ADORA3: variants seen among roughly 807,000 people sequenced by gnomAD.
ADORA3 encodes the protein adenosine A3 receptor, also known as adenosine receptor A3.
A neutral mutation model predicts 5.7 loss-of-function variants in ADORA3; 3 were observed. The observed-to-expected ratio is 0.52, with a 90% CI of 0.24 to 1.35. The LOEUF is 1.35. ADORA3 is among the 40% of genes most tolerant of loss of function. The pLI, the probability that ADORA3 is intolerant of heterozygous loss-of-function variation, is 0.17. For missense variants in ADORA3, 343 were observed against 389.0 expected, an observed-to-expected ratio of 0.88 and a Z score of 0.99; for synonymous variants, 168 against 152.3, an observed-to-expected ratio of 1.10 and a Z score of -0.76.
chr1:111,499,865 C>T lies in ADORA3; in HGVS notation c.*85G>A. ...TGGAAGTAATCAAGGATGTAAAAATCCCTTGGCCCAGGCATACAGGCCCTC... is the reference window on the plus strand; with the variant it reads ...TGGAAGTAATCAAGGATGTAAAAATTCCTTGGCCCAGGCATACAGGCCCTC... On this transcript the variant is annotated 3_prime_UTR_variant, in exon 2 of 2. Coordinates refer to ENST00000241356, the MANE Select transcript of ADORA3 (RefSeq NM_000677.4). 1 of 1,549,018 alleles carries T rather than the reference C, an allele frequency of 6.5e-7. No homozygotes were observed. Among genetic ancestry groups the T allele is most frequent in the Non-Finnish European group, 8.7e-7 (1 of 1,150,722 alleles).
intron 1 of ADORA3, among the ~76,000 whole-genome samples, chr1:111,502,221 T>C (rs141759089): frequency 0.05 from 1,306 of 26,346 alleles, 126 homozygotes; most frequent in Middle Eastern, 0.091. Flanking sequence ...GATATATATT[T>C]ATTATAATGA....
Position 111,503,313 on chromosome 1 carries a change from G to A in ADORA3, c.42C>T (p.Thr14=). The change falls in exon 1 of 2, where the codon ACC becomes ACT. Residue 14 remains threonine (T), a synonymous_variant. Transcript: ENST00000241356. ...NSTALSLANV[T]YITMEIFIGL... ...CAATGAAAATTTCCATGGTGATGTAGGTAACATTGGCCAATGACAGAGCAG... is the reference window on the plus strand; with the variant it reads ...CAATGAAAATTTCCATGGTGATGTAAGTAACATTGGCCAATGACAGAGCAG... 1 of 1,614,028 alleles carries A rather than the reference G, an allele frequency of 6.2e-7. No individual in the cohort carries two copies. Among genetic ancestry groups the A allele is most frequent in the Non-Finnish European group, 8.5e-7 (1 of 1,179,982 alleles).
intron 1 of ADORA3, among the ~76,000 whole-genome samples, chr1:111,502,192 TATTATAATAAATATATA>T (rs1655241303): frequency 4.5e-5 from 1 of 22,112 alleles, no homozygotes; most frequent in Non-Finnish European, 1.0e-4. Context: ...AGGATATATA[TATTATAATAAATATATA>T]GGATATATAT....
rs1235702151 is a variant in ADORA3, at chr1:111,499,472, T to C, written c.*478A>G. ...TTACTCAAAAACATCCACAGGTGAATTCAGCAGTTTAAGTCCCCCTTAAAC... is the reference window on the plus strand; with the variant it reads ...TTACTCAAAAACATCCACAGGTGAACTCAGCAGTTTAAGTCCCCCTTAAAC... On this transcript the variant is annotated 3_prime_UTR_variant, in exon 2 of 2. Coordinates refer to ENST00000241356, the MANE Select transcript of ADORA3 (RefSeq NM_000677.4). 10 of 993,288 alleles carry C rather than the reference T, an allele frequency of 1.0e-5. No homozygotes were observed. In the African/African-American group the frequency reaches 1.7e-4, roughly 17 times the overall value. The allele number at this position is 993,288 out of a possible 1,614,324, so 61.5% of individuals were successfully genotyped here.
rs993068836 is a variant in ADORA3, at chr1:111,503,557, G to A, written c.-203C>T. On this transcript the variant is annotated 5_prime_UTR_variant, in exon 1 of 2. Coordinates refer to ENST00000241356, the MANE Select transcript of ADORA3 (RefSeq NM_000677.4). ...TCTCCTTAGAAAGGGCTCATCACAG[G>A]TGGGTCACTTCCAGCCCCTTTATGC... 1.3e-5 allele frequency: 18 copies of A among 1,401,138 alleles called. No homozygotes were observed. Among genetic ancestry groups the A allele is most frequent in the Admixed American group, 1.2e-4 (4 of 33,848 alleles). 86.8% of individuals were successfully genotyped at this position (1,401,138 alleles called of 1,614,324 possible).
Position 111,503,350 on chromosome 1 carries a change from G to A in ADORA3, c.5C>T (p.Pro2Leu), listed in dbSNP as rs754984436. Residue 2 changes from proline (P) to leucine (L), a missense_variant, in exon 1 of 2, where the codon CCC becomes CTC. Coordinates refer to ENST00000241356, the MANE Select transcript of ADORA3 (RefSeq NM_000677.4). M[P>L]NNSTALSLAN... is the part of the protein sequence containing the mutation. Reference sequence around the variant, plus strand: ...CAATGACAGAGCAGTGCTGTTGTTGGGCATCTTGCCTTCCCAGGGGAACCT... The same window carrying A: ...CAATGACAGAGCAGTGCTGTTGTTGAGCATCTTGCCTTCCCAGGGGAACCT... 6.2e-7 allele frequency: 1 copy of A among 1,607,342 alleles called. No individual in the cohort carries two copies. The highest frequency in any genetic ancestry group is 8.5e-7 in the Non-Finnish European group (1 of 1,175,382).
chr1:111,499,786 G>GT lies in ADORA3; in HGVS notation c.*163dup, dbSNP rs1655066587. The GT allele has an allele frequency of 6.9e-7, 1 of 1,455,572 alleles. No homozygotes were observed. The highest frequency in any genetic ancestry group is 1.4e-5 in the African/African-American group (1 of 70,698). 90.2% of individuals were successfully genotyped at this position (1,455,572 alleles called of 1,614,324 possible). A position where few individuals can be genotyped will look rare whatever the true frequency, so the allele number is the denominator to read the frequency against. ...GGGAAAAATGAAGTGGAGGAAGAGA[G>GT]TAGTGGAGTGGGGGAGATATAATTG... On this transcript the variant is annotated 3_prime_UTR_variant, in exon 2 of 2. Transcript: ENST00000241356.
Position 111,500,482 on chromosome 1 carries a change from C to A in ADORA3, c.425G>T (p.Gly142Val). The A allele has an allele frequency of 6.2e-7, 1 of 1,614,198 alleles. No individual in the cohort carries two copies. Residue 142 changes from glycine to valine, a missense_variant, in exon 2 of 2, where the codon GGA (glycine) becomes GTA (valine). By Grantham distance (109) the Gly-to-Val change is moderately radical. Transcript: ENST00000241356. ...GTTCCAGCCAAACATGGGGGTCAAT[C>A]CCACCAGGAATGACACCAGCCAGCA... is the stretch of plus-strand genomic sequence containing the variant. Reference protein sequence around the residue: ...GLCWLVSFLVGLTPMFGWNMK... With the variant: ...GLCWLVSFLVVLTPMFGWNMK...
chr1:111,501,925 T>C (rs1655197268), intron 1 of ADORA3, among the ~76,000 whole-genome samples: 1 of 150,914 alleles, frequency 6.6e-6, no homozygotes, highest in Non-Finnish European at 1.5e-5. Flanking sequence ...GTTCTATTCA[T>C]ATGGTCACAT....
intron 1 of ADORA3, among the ~76,000 whole-genome samples, chr1:111,502,126 GAT>G (rs1173350107): frequency 1.6e-5 from 1 of 62,062 alleles, no homozygotes; most frequent in Non-Finnish European, 3.4e-5. Context: ...AAATATATAG[GAT>G]ATATATTTAA....
rs772854601 is a variant in ADORA3 at position 111,499,966 on chromosome 1, T to C, written c.941A>G (p.Glu314Gly). Residue 314 changes from glutamate to glycine, a missense_variant, in exon 2 of 2, where the codon GAG (glutamate) becomes GGG (glycine). Glu to Gly is a moderately conservative substitution (Grantham distance 98). Transcript: ENST00000241356. Reference protein sequence around the residue: ...HPSDSLDTSIEKNSE With the variant: ...HPSDSLDTSIGKNSE Reference sequence around the variant, plus strand: ...GATGGATAACTACTCAGAATTCTTCTCAATGCTTGTGTCCAAAGAATCAGA... The same window carrying C: ...GATGGATAACTACTCAGAATTCTTCCCAATGCTTGTGTCCAAAGAATCAGA... The C allele has an allele frequency of 6.2e-7, 1 of 1,614,038 alleles. No individual in the cohort carries two copies. Among genetic ancestry groups the C allele is most frequent in the Admixed American group, 1.7e-5 (1 of 60,006 alleles).
intron 1 of ADORA3, chr1:111,500,856 T>G: frequency 2.0e-6 from 1 of 488,166 alleles, no homozygotes; most frequent in South Asian, 5.0e-5. Flanking sequence ...AGTCAAGTGC[T>G]TACGTGCTCC....
intron 1 of ADORA3, among the ~76,000 whole-genome samples, chr1:111,502,168 TATAATAAATATATAGGATATATA>T (rs1655236255): frequency 3.0e-5 from 2 of 67,768 alleles, no homozygotes; most frequent in East Asian, 4.1e-4. Flanking sequence ...ATATATTTAT[TATAATAAATATATAGGATATATA>T]TATTATAATA....
intron 1 of ADORA3, among the ~76,000 whole-genome samples, chr1:111,502,560 G>A (rs1463670644): frequency 1.3e-5 from 2 of 148,830 alleles, no homozygotes; most frequent in East Asian, 3.9e-4. Flanking sequence ...AGGAAGCAAA[G>A]ATAAAATAAT....
rs1473995721 is a variant in ADORA3 at position 111,500,252 on chromosome 1, C to A, written c.655G>T (p.Gly219Cys). The change falls in exon 2 of 2, where the codon GGT (glycine) becomes TGT (cysteine). Residue 219 changes from glycine to cysteine, a missense_variant. Gly to Cys is a radical substitution (Grantham distance 159, BLOSUM62 -3). Transcript: ENST00000241356. ...SLNLSNSKET[G>C]AFYGREFKTA... ...TTGAACTCCCGTCCATAAAATGCAC[C>A]TGTCTCTTTGGAGTTAGATAAGTTC... 11 of 1,614,166 alleles carry A rather than the reference C, an allele frequency of 6.8e-6. No individual in the cohort carries two copies. The highest frequency in any genetic ancestry group is 1.7e-5 in the Admixed American group (1 of 60,022).
rs367678763 is a variant in ADORA3, at chr1:111,499,591, C to T, written c.*359G>A. 9.4e-7 allele frequency: 1 copy of T among 1,064,158 alleles called. No individual in the cohort carries two copies. Among genetic ancestry groups the T allele is most frequent in the Non-Finnish European group, 1.1e-6 (1 of 877,436 alleles). The allele number at this position is 1,064,158 out of a possible 1,614,324, so 65.9% of individuals were successfully genotyped here. On this transcript the variant is annotated 3_prime_UTR_variant, in exon 2 of 2. Transcript: ENST00000241356. ...ACAATGGTATGGAAATGAGTCACCA[C>T]CACACACATGTTCAGCCCAACTGGA...
chr1:111,503,315 T>A lies in ADORA3; in HGVS notation c.40A>T (p.Thr14Ser). ...NSTALSLANVTYITMEIFIGL... is the reference protein window; with the variant it reads ...NSTALSLANVSYITMEIFIGL... ...ATGAAAATTTCCATGGTGATGTAGG[T>A]AACATTGGCCAATGACAGAGCAGTG... Residue 14 changes from threonine to serine, a missense_variant, in exon 1 of 2, where the codon ACC (threonine) becomes TCC (serine). Transcript: ENST00000241356. The A allele has an allele frequency of 6.2e-7, 1 of 1,614,022 alleles. No homozygotes were observed. Among genetic ancestry groups the A allele is most frequent in the Non-Finnish European group, 8.5e-7 (1 of 1,179,966 alleles).
chr1:111,503,592 C>A lies in ADORA3; in HGVS notation c.-238G>T, dbSNP rs1201482635. 4.1e-5 allele frequency: 55 copies of A among 1,344,248 alleles called. No individual in the cohort carries two copies. In the Admixed American group the frequency reaches 1.6e-3, roughly 38 times the overall value. The allele number at this position is 1,344,248 out of a possible 1,614,324, so 83.3% of individuals were successfully genotyped here. A position where few individuals can be genotyped will look rare whatever the true frequency, so the allele number is the denominator to read the frequency against. On this transcript the variant is annotated 5_prime_UTR_variant, in exon 1 of 2. Transcript: ENST00000241356. ...TCCAGCCCCTTTATGCACCGCACAT[C>A]CTCAAGTTTCCAGAATGCTGTAGGA...
rs377061127 is a variant in ADORA3, at chr1:111,503,125, G to A, written c.230C>T (p.Thr77Ile). The A allele has an allele frequency of 8.1e-6, 13 of 1,614,092 alleles. No homozygotes were observed. The highest frequency in any genetic ancestry group is 1.1e-5 in the Non-Finnish European group (13 of 1,180,034). The change falls in exon 1 of 2, where the codon ACA becomes ATA. Residue 77 changes from threonine (T) to isoleucine (I), a missense_variant. By Grantham distance (89) the Thr-to-Ile change is moderately conservative. Transcript: ENST00000241356. ...PLAIVVSLGI[T>I]IHFYSCLFMT... ...AAAAAGGCAGCTGTAGAAGTGGATT[G>A]TGATGCCCAGGCTGACAACAATGGC... is the stretch of plus-strand genomic sequence containing the variant.
Sources: allele counts gnomAD v4.1 joint callset (sites outside exome capture counted in the v4.1 genomes callset), GRCh38; gene constraint gnomAD v4.1.1; transcripts MANE v1.5; gene names NCBI Gene and HGNC (gene_info 2026-07-23, HGNC 2026-07-21).